NUTF2: variants seen among roughly 807,000 people sequenced by gnomAD.
The protein encoded by NUTF2 is placental protein 15.
A neutral mutation model predicts 18.5 loss-of-function variants in NUTF2; 3 were observed. The observed-to-expected ratio is 0.16, with a 90% CI of 0.07 to 0.42. The LOEUF (loss-of-function observed/expected upper bound fraction) is 0.42. NUTF2 is among the 10% of genes least tolerant of loss of function. NUTF2 has a pLI of 0.99. For synonymous variants in NUTF2, 51 were observed against 57.9 expected, an observed-to-expected ratio of 0.88 and a Z score of 0.54; for missense variants, 44 against 160.7, an observed-to-expected ratio of 0.27 and a Z score of 3.93.
intron 1 of NUTF2, among the ~76,000 whole-genome samples, chr16:67,859,402 T>C (rs994954463): frequency 1.3e-5 from 2 of 148,240 alleles, no homozygotes; most frequent in Non-Finnish European, 3.0e-5. Context: ...CAGGCTAGAG[T>C]GCAATGGCAC....
In NUTF2 at chr16:67,871,930, G is replaced by T. The variant is rs887145759; in HGVS notation, c.*1017G>T. ...AGTTGTGTTGGAGTATAGGTCAGGAGCTGTGGAAGGAGGCAGTCTGTGAGG... is the reference window on the plus strand; with the variant it reads ...AGTTGTGTTGGAGTATAGGTCAGGATCTGTGGAAGGAGGCAGTCTGTGAGG... On this transcript the variant is annotated 3_prime_UTR_variant, in exon 5 of 5. Transcript: ENST00000219169. 4.6e-5 allele frequency: 7 copies of T among 152,272 alleles called. No homozygotes were observed. The highest frequency in any genetic ancestry group is 2.6e-4 in the Admixed American group (4 of 15,278). 9.4% of individuals were successfully genotyped at this position (152,272 alleles called of 1,614,324 possible). A position where few individuals can be genotyped will look rare whatever the true frequency, so the allele number is the denominator to read the frequency against.
intron 2 of NUTF2, among the ~76,000 whole-genome samples, chr16:67,866,658 G>A (rs1238290967): frequency 6.6e-6 from 1 of 152,038 alleles, no homozygotes; most frequent in Non-Finnish European, 1.5e-5. Flanking sequence ...GTAGAGATGG[G>A]ATTTCACCAT....
intron 1 of NUTF2, among the ~76,000 whole-genome samples, chr16:67,849,859 C>G (rs1377352178): frequency 6.6e-6 from 1 of 152,006 alleles, no homozygotes. Context: ...GGGGTTTCAC[C>G]GTGTTAGCCA....
At chr16:67,852,191 T>G (rs185126485) in intron 1 of NUTF2, among the ~76,000 whole-genome samples, 4 of 152,132 alleles carry the variant, frequency 2.6e-5, no homozygotes, top group Admixed American at 6.6e-5. Flanking sequence ...GGTTGTGGTG[T>G]TGTATACCTG....
intron 1 of NUTF2, among the ~76,000 whole-genome samples, chr16:67,864,802 C>A (rs866392140): frequency 1.3e-5 from 2 of 152,100 alleles, no homozygotes; most frequent in Non-Finnish European, 2.9e-5. Context: ...CCTGCTCTGA[C>A]CTTTCTTTGT....
At chr16:67,855,899 AT>A in intron 1 of NUTF2, 1 of 176,214 alleles carries the variant, frequency 5.7e-6, no homozygotes, top group Non-Finnish European at 9.9e-6. Flanking sequence ...GGGGGGGGGG[AT>A]GGGGGAAATG....
chr16:67,855,419 G>C (rs1110922), intron 1 of NUTF2, among the ~76,000 whole-genome samples: 2 of 152,144 alleles, frequency 1.3e-5, no homozygotes, highest in African/African-American at 2.4e-5. Context: ...TTCATTGTCT[G>C]GGGCGTTACT....
At chr16:67,862,151 A>G (rs991778122) in intron 1 of NUTF2, among the ~76,000 whole-genome samples, 7 of 152,078 alleles carry the variant, frequency 4.6e-5, no homozygotes, top group Non-Finnish European at 2.9e-5. Context: ...GGGGAGGAGC[A>G]TGGTCAGCTT....
At chr16:67,853,591 T>C (rs7196076) in intron 1 of NUTF2, among the ~76,000 whole-genome samples, 1 of 152,128 alleles carries the variant, frequency 6.6e-6, no homozygotes, top group East Asian at 1.9e-4. Flanking sequence ...CTCCTGACTT[T>C]GTGATCTGCC....
chr16:67,850,344 A>T (rs1278217398), intron 1 of NUTF2, among the ~76,000 whole-genome samples: 2 of 151,288 alleles, frequency 1.3e-5, no homozygotes, highest in Non-Finnish European at 2.9e-5. Flanking sequence ...AGCTGGGACT[A>T]TAGGCACCCG....
intron 2 of NUTF2, among the ~76,000 whole-genome samples, chr16:67,867,878 G>T (rs2057984508): frequency 6.6e-6 from 1 of 152,158 alleles, no homozygotes; most frequent in Admixed American, 6.5e-5. Context: ...AGTAGAGTTG[G>T]GGTTTCACCA....
chr16:67,870,713 C>A, intron 4 of NUTF2, 87 bp from the exon 5 acceptor site: 1 of 1,015,264 alleles, frequency 9.8e-7, no homozygotes, highest in Non-Finnish European at 1.6e-6. Context: ...ATCCTAAAGT[C>A]AACATTTTTT....
Position 67,872,097 on chromosome 16 carries a change from C to A in NUTF2, c.*1184C>A, listed in dbSNP as rs1341158852. 2 of 152,300 alleles carry A rather than the reference C, an allele frequency of 1.3e-5. No homozygotes were observed. Among genetic ancestry groups the A allele is most frequent in the Non-Finnish European group, 2.9e-5 (2 of 68,080 alleles). The allele number at this position is 152,300 out of a possible 1,614,324, so 9.4% of individuals were successfully genotyped here. A position where few individuals can be genotyped will look rare whatever the true frequency, so the allele number is the denominator to read the frequency against. ...AGCTATTAGGGCAGTTTCTGCTTCT[C>A]CATTTTGGGGACAAAGGCCTTGCCC... On this transcript the variant is annotated 3_prime_UTR_variant, in exon 5 of 5. Coordinates refer to ENST00000219169, the MANE Select transcript of NUTF2 (RefSeq NM_005796.3).
intron 1 of NUTF2, among the ~76,000 whole-genome samples, chr16:67,855,769 C>T (rs2057891492): frequency 6.6e-6 from 1 of 150,788 alleles, no homozygotes; most frequent in African/African-American, 2.4e-5. Context: ...TGTAAAGCTG[C>T]TTTGACCTGC....
intron 2 of NUTF2, among the ~76,000 whole-genome samples, chr16:67,866,121 A>G (rs555377002): frequency 6.6e-6 from 1 of 152,324 alleles, no homozygotes; most frequent in African/African-American, 2.4e-5. Context: ...AGGTGAGCCC[A>G]GGATGGGGGT....
intron 1 of NUTF2, among the ~76,000 whole-genome samples, chr16:67,858,467 A>G (rs1369256211): frequency 6.6e-6 from 1 of 152,170 alleles, no homozygotes; most frequent in Admixed American, 6.6e-5. Context: ...GTACCTGGCC[A>G]CTAGACAGCA....
At chr16:67,856,057 G>A (rs2057894479) in intron 1 of NUTF2, 1 of 709,586 alleles carries the variant, frequency 1.4e-6, no homozygotes, top group Admixed American at 2.0e-5. Flanking sequence ...CCACTGTTAC[G>A]ATGTGGCCAA....
At chr16:67,855,221 T>C (rs1036717109) in intron 1 of NUTF2, among the ~76,000 whole-genome samples, 2 of 152,172 alleles carry the variant, frequency 1.3e-5, no homozygotes, top group Non-Finnish European at 2.9e-5. Flanking sequence ...TCATGTGATA[T>C]TATTCACCCT....
intron 2 of NUTF2, among the ~76,000 whole-genome samples, chr16:67,866,145 C>T (rs1462467528): frequency 1.3e-5 from 2 of 152,046 alleles, no homozygotes; most frequent in Non-Finnish European, 2.9e-5. Flanking sequence ...AGGAGTAATC[C>T]AGGCACAGTC....
Sources: gnomAD v4.1 joint callset for allele counts (sites outside exome capture counted in the v4.1 genomes callset) on GRCh38, gnomAD v4.1.1 for gene constraint, MANE v1.5 for transcripts, NCBI Gene and HGNC (gene_info 2026-07-23, HGNC 2026-07-21) for gene names.